NOL4L: variants seen among roughly 807,000 people sequenced by gnomAD.
The protein encoded by NOL4L is nucleolar protein 4 like.
A neutral mutation model predicts 64.5 loss-of-function variants in NOL4L; 7 were observed. The observed-to-expected ratio is 0.11, with a 90% CI of 0.06 to 0.20. The LOEUF is 0.20. NOL4L is among the 10% of genes least tolerant of loss of function. The probability of loss-of-function intolerance (pLI) is 1.00; values close to 1 mark genes in which losing one functional copy is unlikely to be tolerated. For synonymous variants in NOL4L, 413 were observed against 401.0 expected, an observed-to-expected ratio of 1.03 and a Z score of -0.36; for missense variants, 680 against 967.1, an observed-to-expected ratio of 0.70 and a Z score of 3.94.
chr20:32,562,708 C>T (rs1979109796), intron 1 of NOL4L, among the ~76,000 whole-genome samples: 1 of 151,866 alleles, frequency 6.6e-6, no homozygotes, highest in African/African-American at 2.4e-5. Context: ...GAATCTCTGC[C>T]CTCCCTTGAC....
intron 1 of NOL4L, 62 bp from the exon 2 acceptor site, chr20:32,527,975 C>A: frequency 7.4e-7 from 1 of 1,360,096 alleles, no homozygotes; most frequent in Non-Finnish European, 9.7e-7. Flanking sequence ...GAACTGGGCC[C>A]TGAGGCCGGG....
At chr20:32,529,212 C>G (rs567862676) in intron 1 of NOL4L, among the ~76,000 whole-genome samples, 1 of 152,264 alleles carries the variant, frequency 6.6e-6, no homozygotes, top group East Asian at 1.9e-4. Flanking sequence ...GAGCTTCAGG[C>G]CCTTTATCTG....
At chr20:32,538,102 C>T (rs2018582306) in intron 1 of NOL4L, among the ~76,000 whole-genome samples, 1 of 152,186 alleles carries the variant, frequency 6.6e-6, no homozygotes, top group South Asian at 2.1e-4. Context: ...TCTGTCAGGC[C>T]TCCCAAAAGC....
At chr20:32,528,347 CG>C (rs149464037) in intron 1 of NOL4L, among the ~76,000 whole-genome samples, 4,000 of 152,276 alleles carry the variant, frequency 0.026, 88 homozygotes, top group Non-Finnish European at 0.044. Context: ...GCTGGGGTCC[CG>C]GGGGAACAGC....
intron 1 of NOL4L, among the ~76,000 whole-genome samples, chr20:32,538,587 AG>A (rs1340626599): frequency 2.7e-5 from 4 of 150,912 alleles, no homozygotes; most frequent in Non-Finnish European, 5.9e-5. Context: ...CAGTGAGAGG[AG>A]GGGTGGGGGG....
intron 4 of NOL4L, among the ~76,000 whole-genome samples, chr20:32,479,232 C>T (rs1220253422): frequency 1.3e-5 from 2 of 152,232 alleles, no homozygotes; most frequent in Non-Finnish European, 2.9e-5. Flanking sequence ...GGGGAAAATA[C>T]ACCCAAGTCC....
chr20:32,503,409 C>G (rs1394833978), intron 4 of NOL4L, among the ~76,000 whole-genome samples: 2 of 152,100 alleles, frequency 1.3e-5, no homozygotes, highest in Non-Finnish European at 2.9e-5. Flanking sequence ...GTAGTGAAGA[C>G]AGTTGGTGGG....
At chr20:32,584,099 C>T (rs1980712570) in intron 1 of NOL4L, among the ~76,000 whole-genome samples, 1 of 140,890 alleles carries the variant, frequency 7.1e-6, no homozygotes, top group Non-Finnish European at 1.6e-5. Context: ...CCTCCCTCCC[C>T]CCCCCCCACC....
intron 5 of NOL4L, among the ~76,000 whole-genome samples, chr20:32,471,771 G>A (rs2015038066): frequency 6.6e-6 from 1 of 152,096 alleles, no homozygotes; most frequent in African/African-American, 2.4e-5. Flanking sequence ...CTCACTATGA[G>A]TTCATGCGAG....
intron 1 of NOL4L, among the ~76,000 whole-genome samples, chr20:32,553,064 T>G (rs1202817626): frequency 6.6e-6 from 1 of 152,002 alleles, no homozygotes; most frequent in East Asian, 1.9e-4. Flanking sequence ...CTCACAACCG[T>G]CCTCAGATTC....
At chr20:32,495,518 G>T (rs1401083582) in intron 4 of NOL4L, among the ~76,000 whole-genome samples, 1 of 152,190 alleles carries the variant, frequency 6.6e-6, no homozygotes, top group Non-Finnish European at 1.5e-5. Context: ...CCAGCAACAT[G>T]CCTGTCTGCT....
chr20:32,448,912 A>C (rs1005706674), intron 10 of NOL4L, among the ~76,000 whole-genome samples: 3 of 152,172 alleles, frequency 2.0e-5, no homozygotes, highest in African/African-American at 7.2e-5. Flanking sequence ...TCATCTGCCA[A>C]AACTAGGCGG....
At chr20:32,526,292 G>A (rs2018129771) in intron 2 of NOL4L, among the ~76,000 whole-genome samples, 2 of 152,108 alleles carry the variant, frequency 1.3e-5, no homozygotes. Flanking sequence ...TGATCCTCTG[G>A]TGGAAATACC....
intron 3 of NOL4L, among the ~76,000 whole-genome samples, chr20:32,513,855 GAAAC>G (rs1164185458): frequency 2.0e-5 from 3 of 152,196 alleles, no homozygotes; most frequent in South Asian, 2.1e-4. Flanking sequence ...AACAACAACA[GAAAC>G]AAACAAACAA....
intron 1 of NOL4L, among the ~76,000 whole-genome samples, chr20:32,582,588 G>T (rs1022909178): frequency 6.6e-6 from 1 of 151,860 alleles, no homozygotes; most frequent in Non-Finnish European, 1.5e-5. Context: ...AGGTCTGGGG[G>T]GTCACCCCCC....
intron 4 of NOL4L, among the ~76,000 whole-genome samples, chr20:32,488,262 T>C (rs1234373762): frequency 6.6e-6 from 1 of 152,158 alleles, no homozygotes; most frequent in Non-Finnish European, 1.5e-5. Flanking sequence ...GATTACAAAC[T>C]GTGGTAGACA....
At chr20:32,514,388 A>T (rs1600802897) in intron 3 of NOL4L, among the ~76,000 whole-genome samples, 1 of 152,148 alleles carries the variant, frequency 6.6e-6, no homozygotes, top group East Asian at 1.9e-4. Context: ...GCTACTTCAG[A>T]GGCTGAGGCA....
intron 5 of NOL4L, among the ~76,000 whole-genome samples, chr20:32,467,827 C>T (rs1426642856): frequency 6.6e-6 from 1 of 152,214 alleles, no homozygotes; most frequent in Non-Finnish European, 1.5e-5. Context: ...CACTTCCCTG[C>T]AGACCTCTTG....
Position 32,444,079 on chromosome 20 carries a change from T to C in NOL4L, c.*3517A>G, listed in dbSNP as rs2012234742. ...AGCTTAGTGAGGTGCATCTTCCTCC[T>C]CAAGAGCAAGTCTTGCAGAACACAC... On this transcript the variant is annotated 3_prime_UTR_variant, in exon 11 of 11. Transcript: ENST00000621426. The C allele has an allele frequency of 6.6e-6, 1 of 152,212 alleles. No homozygotes were observed. The highest frequency in any genetic ancestry group is 1.5e-5 in the Non-Finnish European group (1 of 68,044). The allele number at this position is 152,212 out of a possible 1,614,324, so 9.4% of individuals were successfully genotyped here.
Sources: allele counts gnomAD v4.1 joint callset (sites outside exome capture counted in the v4.1 genomes callset), GRCh38; gene constraint gnomAD v4.1.1; transcripts MANE v1.5; gene names NCBI Gene and HGNC (gene_info 2026-07-23, HGNC 2026-07-21).